Variants in KIAA1549 observed in about 807,000 individuals in gnomAD.
KIAA1549 encodes KIAA1549, also known as UPF0606 protein KIAA1549.
Under a neutral mutation model 156.4 loss-of-function variants are expected in KIAA1549, and 70 were observed. The observed-to-expected ratio is 0.45, with a 90% CI of 0.37 to 0.55. The LOEUF (loss-of-function observed/expected upper bound fraction) is 0.55, where lower values mean the gene tolerates loss of function less well. KIAA1549 is among the 20% of genes least tolerant of loss of function. The pLI is 0.00. For missense variants in KIAA1549, 2,428 were observed against 2,540.9 expected (o/e 0.96, Z 0.96); for synonymous variants, 1,103 against 1,066.4 (o/e 1.03, Z -0.67).
intron 1 of KIAA1549, among the ~76,000 whole-genome samples, chr7:138,973,934 G>A (rs1440931121): frequency 2.0e-5 from 3 of 152,164 alleles, no homozygotes; most frequent in Non-Finnish European, 4.4e-5. Flanking sequence ...GTGAGCCACC[G>A]CACCCAGCCT....
chr7:138,885,185 T>C lies in KIAA1549; in HGVS notation c.4033-3601A>G, dbSNP rs542437142. Among the ~76,000 whole-genome samples the C allele has an allele frequency of 3.0e-4, 45 of 152,238 alleles. No individual in the cohort carries two copies. The South Asian group carries it at 8.5e-3, about 29-fold the overall frequency. ...ACTCCAGCCTTGTACTCCAGGTGGA[T>C]TGTAATCCACCATTGTACTCCAGGG... On this transcript the variant is annotated intron_variant, in intron 10 of 19. Coordinates refer to ENST00000422774, the MANE Select transcript of KIAA1549 (RefSeq NM_001164665.2).
chr7:138,894,391 T>C lies in KIAA1549; in HGVS notation c.3983A>G (p.Lys1328Arg), dbSNP rs1274973530. 1 of 1,614,008 alleles carries C rather than the reference T, an allele frequency of 6.2e-7. No individual in the cohort carries two copies. Among genetic ancestry groups the C allele is most frequent in the Non-Finnish European group, 8.5e-7 (1 of 1,179,892 alleles). The stretch of plus-strand genomic sequence containing the variant: ...CACAGTGTCAGGCTGAAAGTCTAGC[T>C]TGTCTGTGCGGCATAGTTTCCAGTA... ...ILYWKLCRTD[K>R]LDFQPDTVAN... Residue 1328 changes from lysine to arginine, a missense_variant, in exon 10 of 20, where the codon AAG becomes AGG. Transcript: ENST00000422774.
intron 15 of KIAA1549, among the ~76,000 whole-genome samples, chr7:138,865,012 G>A (rs970941603): frequency 6.6e-6 from 1 of 152,160 alleles, no homozygotes; most frequent in Non-Finnish European, 1.5e-5. Flanking sequence ...GAGGATCGCT[G>A]AGCCCAGGAG....
chr7:138,872,456 AT>A (rs1248445355), intron 12 of KIAA1549, among the ~76,000 whole-genome samples: 2 of 152,022 alleles, frequency 1.3e-5, no homozygotes, highest in Non-Finnish European at 2.9e-5. Context: ...ATGATGGGTG[AT>A]TTTTCCCCAT....
chr7:138,843,923 T>A (rs1563045663), intron 18 of KIAA1549, among the ~76,000 whole-genome samples: 1 of 152,136 alleles, frequency 6.6e-6, no homozygotes, highest in African/African-American at 2.4e-5. Context: ...TGTTTTGAGA[T>A]AAGAGTTTTG....
At chr7:138,972,745 G>A (rs1248390634) in intron 1 of KIAA1549, among the ~76,000 whole-genome samples, 1 of 152,124 alleles carries the variant, frequency 6.6e-6, no homozygotes, top group Non-Finnish European at 1.5e-5. Flanking sequence ...CTGCCCAGGT[G>A]AACCTCCTCA....
At chr7:138,858,935 G>A (rs575996696) in intron 16 of KIAA1549, among the ~76,000 whole-genome samples, 74 of 152,112 alleles carry the variant, frequency 4.9e-4, no homozygotes, top group Admixed American at 9.2e-4. Context: ...GAACCCGGGA[G>A]GTGGAGCTTG....
At chr7:138,915,123 T>G (rs1373383492) in intron 2 of KIAA1549, among the ~76,000 whole-genome samples, 1 of 152,144 alleles carries the variant, frequency 6.6e-6, no homozygotes, top group Non-Finnish European at 1.5e-5. Context: ...ATGCCTAATC[T>G]CCAGCCATGA....
chr7:138,960,023 T>C (rs1431281569), intron 1 of KIAA1549, among the ~76,000 whole-genome samples: 1 of 152,084 alleles, frequency 6.6e-6, no homozygotes, highest in East Asian at 1.9e-4. Flanking sequence ...AAACAGGAAT[T>C]AGAGTGACAG....
Position 138,951,365 on chromosome 7 carries a change from C to T in KIAA1549, c.187+29718G>A, listed in dbSNP as rs75996957. 4.1e-3 allele frequency among the ~76,000 whole-genome samples: 624 copies of T among 152,266 alleles called. 7 individuals carry two copies. The highest frequency in any genetic ancestry group is 0.015 in the African/African-American group (608 of 41,554). ...CTCTCACCTTCAAACATCAGTGGTCCTCTCTCCCTAGCACAGTTTCTCCTT... is the reference window on the plus strand; with the variant it reads ...CTCTCACCTTCAAACATCAGTGGTCTTCTCTCCCTAGCACAGTTTCTCCTT... On this transcript the variant is annotated intron_variant, in intron 1 of 19. Transcript: ENST00000422774.
chr7:138,916,845 G>T lies in KIAA1549; in HGVS notation c.2781C>A (p.Phe927Leu). ...GTGTGTCGACTGTTGCTTCGAGAGT[G>T]AAGGCAGTCACGGGACGCAGGGATG... ...PLPSLRPVTA[F>L]TLEATVDTPT... Residue 927 changes from phenylalanine (F) to leucine (L), a missense_variant, in exon 2 of 20, where the codon TTC becomes TTA. This residue lies in a region of KIAA1549 where 762 missense variants were observed against 901.6 expected (regional missense o/e 0.85). Transcript: ENST00000422774. 6.2e-7 allele frequency: 1 copy of T among 1,614,020 alleles called. No individual in the cohort carries two copies. The highest frequency in any genetic ancestry group is 8.5e-7 in the Non-Finnish European group (1 of 1,179,886).
In KIAA1549 at chr7:138,871,213, C is replaced by A. The variant is rs569279130; in HGVS notation, c.4495G>T (p.Val1499Phe). The part of the protein sequence containing the change: ...IAMQPIPAPP[V>F]QRPSPADRVA... ...CGGTCGGCTGGGGAGGGGCGCTGGA[C>A]GGGAGGTGCCGGGATCGGCTGCATG... Residue 1499 changes from valine to phenylalanine, a missense_variant, in exon 13 of 20, where the codon GTC becomes TTC. This residue lies in a region of KIAA1549 where 404 missense variants were observed against 417.0 expected (regional missense o/e 0.97). Transcript: ENST00000422774. 1 of 1,613,246 alleles carries A rather than the reference C, an allele frequency of 6.2e-7. No individual in the cohort carries two copies. Among genetic ancestry groups the A allele is most frequent in the Non-Finnish European group, 8.5e-7 (1 of 1,179,826 alleles).
chr7:138,834,990 A>AT lies in KIAA1549; in HGVS notation c.*2915dup, dbSNP rs1809665351. 4.4e-6 allele frequency: 1 copy of AT among 227,824 alleles called. No individual in the cohort carries two copies. The highest frequency in any genetic ancestry group is 8.7e-6 in the Non-Finnish European group (1 of 114,904). The allele number at this position is 227,824 out of a possible 1,614,324, so 14.1% of individuals were successfully genotyped here. A position where few individuals can be genotyped will look rare whatever the true frequency, so the allele number is the denominator to read the frequency against. Reference sequence around the variant, plus strand: ...AGTCTCTGAAAAAAAAAAAAACAACATTTCTCCAAACATTCTGACTCAAAT... The same window carrying AT: ...AGTCTCTGAAAAAAAAAAAAACAACATTTTCTCCAAACATTCTGACTCAAAT... On this transcript the variant is annotated 3_prime_UTR_variant, in exon 20 of 20. Transcript: ENST00000422774.
At chr7:138,883,473 G>A (rs188261038) in intron 10 of KIAA1549, among the ~76,000 whole-genome samples, 9 of 151,846 alleles carry the variant, frequency 5.9e-5, no homozygotes, top group East Asian at 2.0e-4. Context: ...CCACCATGCC[G>A]GGGGTAATTT....
intron 6 of KIAA1549, among the ~76,000 whole-genome samples, chr7:138,905,707 A>AC (rs1811986949): frequency 2.1e-5 from 3 of 145,774 alleles, no homozygotes; most frequent in Admixed American, 2.1e-4. Flanking sequence ...GGAATCTACT[A>AC]TTTTTTTTTT....
chr7:138,915,801 A>G (rs1259985335), intron 2 of KIAA1549, among the ~76,000 whole-genome samples: 5 of 152,312 alleles, frequency 3.3e-5, no homozygotes, highest in African/African-American at 1.2e-4. Context: ...GCTGTGGTTC[A>G]GCACACAGTC....
chr7:138,885,840 G>A (rs1364144485), intron 10 of KIAA1549, among the ~76,000 whole-genome samples: 1 of 150,112 alleles, frequency 6.7e-6, no homozygotes, highest in Non-Finnish European at 1.5e-5. Context: ...ACCTCAACTT[G>A]AAGCCAGTCG....
At chr7:138,887,515 T>C (rs921783045) in intron 10 of KIAA1549, among the ~76,000 whole-genome samples, 2 of 152,038 alleles carry the variant, frequency 1.3e-5, no homozygotes, top group African/African-American at 2.4e-5. Context: ...CTCCCTACAC[T>C]AGTGATTTTC....
chr7:138,950,328 A>C (rs890343425), intron 1 of KIAA1549, among the ~76,000 whole-genome samples: 1 of 152,240 alleles, frequency 6.6e-6, no homozygotes, highest in African/African-American at 2.4e-5. Flanking sequence ...CACAACTAAC[A>C]GATCGCCCTA....
Sources: allele counts gnomAD v4.1 joint callset (sites outside exome capture counted in the v4.1 genomes callset), GRCh38; gene constraint gnomAD v4.1.1; regional missense constraint gnomAD v4.1.1; transcripts MANE v1.5; gene names NCBI Gene and HGNC (gene_info 2026-07-23, HGNC 2026-07-21).